Variants in FRMD4A observed in about 807,000 individuals in gnomAD.
The protein encoded by FRMD4A is FERM domain containing 4A.
FRMD4A carries 29 observed loss-of-function variants against 129.1 expected under a neutral mutation model. The ratio of observed to expected loss-of-function variants is 0.22; its 90% CI spans 0.17 to 0.31. The LOEUF (loss-of-function observed/expected upper bound fraction) is 0.31. Ranked by LOEUF, FRMD4A falls within the 10% of genes least tolerant of loss-of-function variation. The pLI is 1.00. For missense variants in FRMD4A, 1,272 were observed against 1,375.8 expected, an observed-to-expected ratio of 0.92 and a Z score of 1.19; for synonymous variants, 634 against 571.6, an observed-to-expected ratio of 1.11 and a Z score of -1.56.
intron 2 of FRMD4A, among the ~76,000 whole-genome samples, chr10:14,055,451 ACACACACACAAACACACAC>A (rs1834469026): frequency 5.5e-5 from 1 of 18,274 alleles, no homozygotes; most frequent in Non-Finnish European, 1.5e-4. Flanking sequence ...ACACACACAC[ACACACACACAAACACACAC>A]ACACACACAC....
At chr10:13,811,306 T>TG (rs2093441176) in intron 3 of FRMD4A, among the ~76,000 whole-genome samples, 2 of 149,804 alleles carry the variant, frequency 1.3e-5, no homozygotes, top group African/African-American at 4.9e-5. Flanking sequence ...TTTTTTTTTT[T>TG]GGTTTTAGGA....
At chr10:13,971,204 C>T (rs540111115) in intron 2 of FRMD4A, among the ~76,000 whole-genome samples, 19 of 152,122 alleles carry the variant, frequency 1.2e-4, no homozygotes, top group Non-Finnish European at 2.4e-4. Context: ...ATGCACACAC[C>T]GCATGCACGC....
chr10:14,292,808 A>T (rs535093894), intron 2 of FRMD4A, among the ~76,000 whole-genome samples: 32 of 152,320 alleles, frequency 2.1e-4, no homozygotes, highest in African/African-American at 7.2e-4. Context: ...TCAAAAAAAA[A>T]ACCAAAACAT....
chr10:14,166,053 T>C (rs946876356), intron 2 of FRMD4A, among the ~76,000 whole-genome samples: 1 of 151,912 alleles, frequency 6.6e-6, no homozygotes, highest in Non-Finnish European at 1.5e-5. Flanking sequence ...TAAATGGCAA[T>C]TACTATTATA....
At chr10:14,261,986 AC>A (rs1461796403) in intron 2 of FRMD4A, among the ~76,000 whole-genome samples, 1 of 139,100 alleles carries the variant, frequency 7.2e-6, no homozygotes, top group East Asian at 2.2e-4. Context: ...ACACACACAC[AC>A]CTCATTTTCC....
At chr10:13,925,674 C>T (rs1042566325) in intron 2 of FRMD4A, among the ~76,000 whole-genome samples, 1 of 140,596 alleles carries the variant, frequency 7.1e-6, no homozygotes, top group Non-Finnish European at 1.5e-5. Context: ...ACTTCCGCCT[C>T]CCAGGTTCAA....
chr10:14,185,582 GTA>G (rs1842085311), intron 2 of FRMD4A, among the ~76,000 whole-genome samples: 1 of 151,720 alleles, frequency 6.6e-6, no homozygotes, highest in Non-Finnish European at 1.5e-5. Context: ...ATCTCGTCTT[GTA>G]AGAAAGAGAA....
At chr10:13,837,112 T>C (rs776494821) in intron 3 of FRMD4A, among the ~76,000 whole-genome samples, 18 of 151,952 alleles carry the variant, frequency 1.2e-4, no homozygotes, top group Non-Finnish European at 2.4e-4. Flanking sequence ...GAACACATGG[T>C]GAGGATGGTG....
At chr10:13,853,072 C>T (rs1329347281) in intron 3 of FRMD4A, among the ~76,000 whole-genome samples, 1 of 152,110 alleles carries the variant, frequency 6.6e-6, no homozygotes, top group Non-Finnish European at 1.5e-5. Flanking sequence ...CCAATGGCCA[C>T]TAAGGGACTG....
chr10:14,094,338 C>G (rs551367746), intron 2 of FRMD4A, among the ~76,000 whole-genome samples: 2 of 152,316 alleles, frequency 1.3e-5, no homozygotes, highest in East Asian at 3.9e-4. Flanking sequence ...TGGAAGGCAT[C>G]AAAACCGTGT....
At chr10:13,672,831 A>C (rs1423205910) in intron 16 of FRMD4A, among the ~76,000 whole-genome samples, 1 of 152,150 alleles carries the variant, frequency 6.6e-6, no homozygotes, top group African/African-American at 2.4e-5. Flanking sequence ...CCAGCCCTTG[A>C]CTACACATGC....
At chr10:14,094,238 C>T (rs985972206) in intron 2 of FRMD4A, among the ~76,000 whole-genome samples, 35 of 152,164 alleles carry the variant, frequency 2.3e-4, no homozygotes, top group African/African-American at 5.8e-4. Flanking sequence ...GACGACATGG[C>T]GCGTTGCCCA....
intron 2 of FRMD4A, among the ~76,000 whole-genome samples, chr10:14,122,429 T>G (rs1589022519): frequency 6.6e-6 from 1 of 151,896 alleles, no homozygotes; most frequent in Admixed American, 6.6e-5. Flanking sequence ...ATACCTGAGA[T>G]TGGGTAATTT....
intron 14 of FRMD4A, among the ~76,000 whole-genome samples, chr10:13,695,680 C>T (rs1383763080): frequency 1.3e-5 from 2 of 152,234 alleles, no homozygotes; most frequent in Non-Finnish European, 2.9e-5. Context: ...AGCACACACA[C>T]GGACTGGGCG....
At chr10:13,695,665 T>C (rs2086154727) in intron 14 of FRMD4A, among the ~76,000 whole-genome samples, 1 of 152,242 alleles carries the variant, frequency 6.6e-6, no homozygotes, top group Non-Finnish European at 1.5e-5. Flanking sequence ...GTGGCCACTG[T>C]CTACAGCACA....
chr10:14,217,530 A>G (rs987004203), intron 2 of FRMD4A, among the ~76,000 whole-genome samples: 3 of 152,342 alleles, frequency 2.0e-5, no homozygotes, highest in Admixed American at 6.5e-5. Flanking sequence ...CTCCCCAGCG[A>G]TGTGGAACTG....
At chr10:14,328,381 G>A (rs1002567619) in intron 2 of FRMD4A, among the ~76,000 whole-genome samples, 5 of 106,792 alleles carry the variant, frequency 4.7e-5, no homozygotes, top group Admixed American at 9.3e-5. Flanking sequence ...GGGGGGGGGG[G>A]TGTATAACAG....
chr10:14,125,866 A>G (rs1174171584), intron 2 of FRMD4A, among the ~76,000 whole-genome samples: 1 of 152,214 alleles, frequency 6.6e-6, no homozygotes, highest in African/African-American at 2.4e-5. Context: ...ATTAAAAACA[A>G]AACAAAACAA....
intron 15 of FRMD4A, among the ~76,000 whole-genome samples, chr10:13,678,301 G>A (rs1437124450): frequency 6.6e-6 from 1 of 152,162 alleles, no homozygotes; most frequent in Non-Finnish European, 1.5e-5. Context: ...ATTAGCCTGG[G>A]AGTTACTTCA....
Sources: allele counts gnomAD v4.1 joint callset (sites outside exome capture counted in the v4.1 genomes callset), GRCh38; gene constraint gnomAD v4.1.1; transcripts MANE v1.5; gene names NCBI Gene and HGNC (gene_info 2026-07-23, HGNC 2026-07-21).